Variants in CSMD1 observed in about 807,000 individuals in gnomAD.
The protein encoded by CSMD1 is CUB and Sushi multiple domains 1.
Under a neutral mutation model 417.5 loss-of-function variants are expected in CSMD1, and 213 were observed. That is an observed-to-expected ratio of 0.51 (90% confidence interval 0.46 to 0.57). The LOEUF is 0.57. CSMD1 is among the 20% of genes least tolerant of loss of function. CSMD1 has a pLI of 0.00. For synonymous variants in CSMD1, 2,862 were observed against 1,736.8 expected, an observed-to-expected ratio of 1.65 and a Z score of -16.11; for missense variants, 6,923 against 4,529.7, an observed-to-expected ratio of 1.53 and a Z score of -15.17.
chr8:3,287,021 C>T (rs562361251), intron 25 of CSMD1, among the ~76,000 whole-genome samples: 1 of 152,138 alleles, frequency 6.6e-6, no homozygotes, highest in East Asian at 1.9e-4. Flanking sequence ...GGAAGGGATC[C>T]AGTTTCAGCT....
chr8:4,836,461 C>A (rs1800498503), intron 1 of CSMD1, among the ~76,000 whole-genome samples: 1 of 152,146 alleles, frequency 6.6e-6, no homozygotes, highest in Non-Finnish European at 1.5e-5. Context: ...AGTGCTGTTC[C>A]ATAGGACTGG....
chr8:3,373,746 A>G (rs144664227), intron 18 of CSMD1: 7 of 152,236 alleles, frequency 4.6e-5, no homozygotes, highest in African/African-American at 1.7e-4. Flanking sequence ...AGACACAGTA[A>G]AATTTTACTG....
intron 5 of CSMD1, among the ~76,000 whole-genome samples, chr8:3,976,698 T>C (rs1019729479): frequency 6.6e-6 from 1 of 152,200 alleles, no homozygotes; most frequent in African/African-American, 2.4e-5. Flanking sequence ...ATTTTACTTA[T>C]GAACCCTTTT....
At chr8:3,193,949 A>G (rs1351465479) in intron 33 of CSMD1, among the ~76,000 whole-genome samples, 1 of 152,188 alleles carries the variant, frequency 6.6e-6, no homozygotes, top group Non-Finnish European at 1.5e-5. Context: ...CAACAATCAT[A>G]AAATAAATCT....
chr8:2,979,663 G>C (rs1261604065), intron 54 of CSMD1, among the ~76,000 whole-genome samples: 1 of 152,190 alleles, frequency 6.6e-6, no homozygotes, highest in Non-Finnish European at 1.5e-5. Flanking sequence ...GACAAACCCT[G>C]TACCCAAACT....
intron 3 of CSMD1, among the ~76,000 whole-genome samples, chr8:4,139,737 A>C (rs1459896868): frequency 1.3e-5 from 2 of 151,114 alleles, no homozygotes; most frequent in Non-Finnish European, 2.9e-5. Flanking sequence ...TGAGTAGATG[A>C]GTACAAAGAA....
intron 50 of CSMD1, among the ~76,000 whole-genome samples, chr8:3,037,939 A>G (rs971212670): frequency 1.3e-5 from 2 of 152,132 alleles, no homozygotes; most frequent in African/African-American, 4.8e-5. Flanking sequence ...GAATCACCAG[A>G]CTTTTCCTTA....
intron 3 of CSMD1, among the ~76,000 whole-genome samples, chr8:4,124,564 G>A (rs970089788): frequency 3.9e-5 from 6 of 152,098 alleles, no homozygotes; most frequent in Non-Finnish European, 5.9e-5. Flanking sequence ...GGCCACCTGC[G>A]CCCGGTAGTG....
chr8:4,947,652 T>C (rs143517132), intron 1 of CSMD1, among the ~76,000 whole-genome samples: 2 of 152,126 alleles, frequency 1.3e-5, no homozygotes, highest in Admixed American at 6.5e-5. Flanking sequence ...GATAACCACT[T>C]ACATTTTGGG....
chr8:3,846,030 G>A (rs571543109), intron 5 of CSMD1, among the ~76,000 whole-genome samples: 1 of 151,744 alleles, frequency 6.6e-6, no homozygotes, highest in Non-Finnish European at 1.5e-5. Context: ...TCTTCTGAAA[G>A]AGCTGCCTAA....
intron 5 of CSMD1, among the ~76,000 whole-genome samples, chr8:3,863,989 T>C (rs1393522048): frequency 2.6e-5 from 4 of 152,154 alleles, no homozygotes; most frequent in Non-Finnish European, 4.4e-5. Context: ...TCTAGGTTTG[T>C]AGAAAATTCA....
intron 2 of CSMD1, among the ~76,000 whole-genome samples, chr8:4,488,145 C>T (rs757735770): frequency 3.3e-5 from 5 of 152,120 alleles, no homozygotes; most frequent in Non-Finnish European, 7.4e-5. Flanking sequence ...AATTTGCTGG[C>T]ACCTTGATCT....
At chr8:4,063,589 G>A (rs1260530514) in intron 3 of CSMD1, among the ~76,000 whole-genome samples, 1 of 152,180 alleles carries the variant, frequency 6.6e-6, no homozygotes, top group Non-Finnish European at 1.5e-5. Flanking sequence ...CCTTGGCACT[G>A]ACAAGGTGCC....
rs78560604 is a variant in CSMD1 at position 3,739,344 on chromosome 8, A to G, written c.931+14586T>C. Among the ~76,000 whole-genome samples, 1,201 of 152,354 alleles carry G rather than the reference A, an allele frequency of 7.9e-3. 13 individuals carry two copies. Among genetic ancestry groups the G allele is most frequent in the Middle Eastern group, 0.034 (10 of 294 alleles). ...ATCTGTTCTAGTGTTCTATGGCACC[A>G]CAGTGTGACTGTAGTTAACCACTTA... On this transcript the variant is annotated intron_variant, in intron 6 of 69. Coordinates refer to ENST00000635120, the MANE Select transcript of CSMD1 (RefSeq NM_033225.6).
intron 3 of CSMD1, among the ~76,000 whole-genome samples, chr8:4,036,701 G>A (rs1326752080): frequency 1.3e-5 from 2 of 152,218 alleles, no homozygotes; most frequent in Non-Finnish European, 2.9e-5. Context: ...CATTGTATCT[G>A]ACGTAAAGGA....
chr8:3,416,738 C>T (rs1007419871), intron 12 of CSMD1, among the ~76,000 whole-genome samples: 2 of 152,174 alleles, frequency 1.3e-5, no homozygotes, highest in African/African-American at 2.4e-5. Context: ...TGTACATGGA[C>T]ACAAGACAGC....
rs1030604787 is a variant in CSMD1 at position 3,293,370 on chromosome 8, C to G, written c.3951-9024G>C. On this transcript the variant is annotated intron_variant, in intron 25 of 69. Transcript: ENST00000635120. ...TGGATTTCCTGAATTTGAATGTTGG[C>G]CTGCCTTGCTAGATTGGGGAATTTC... is the stretch of plus-strand genomic sequence containing the variant. Among the ~76,000 whole-genome samples, 5 of 152,202 alleles carry G rather than the reference C, an allele frequency of 3.3e-5. No homozygotes were observed. The East Asian group carries it at 9.7e-4, about 29-fold the overall frequency.
chr8:3,133,534 G>C (rs1427212805), intron 41 of CSMD1, among the ~76,000 whole-genome samples: 2 of 152,198 alleles, frequency 1.3e-5, no homozygotes, highest in African/African-American at 4.8e-5. Flanking sequence ...GTGGACACCG[G>C]CAGACGAGAG....
At chr8:4,126,767 C>G (rs1214530676) in intron 3 of CSMD1, among the ~76,000 whole-genome samples, 6 of 152,170 alleles carry the variant, frequency 3.9e-5, no homozygotes, top group African/African-American at 7.2e-5. Flanking sequence ...CAACTCTTTT[C>G]TCATAGAAAC....
Sources: allele counts gnomAD v4.1 joint callset (sites outside exome capture counted in the v4.1 genomes callset), GRCh38; gene constraint gnomAD v4.1.1; transcripts MANE v1.5; gene names NCBI Gene and HGNC (gene_info 2026-07-23, HGNC 2026-07-21).